GTF2F2: variants seen among roughly 807,000 people sequenced by gnomAD.
The protein encoded by GTF2F2 is ATP-dependent helicase GTF2F2.
Under a neutral mutation model 42.2 loss-of-function variants are expected in GTF2F2, and 23 were observed. The observed-to-expected ratio is 0.55, with a 90% CI of 0.39 to 0.77. The LOEUF (loss-of-function observed/expected upper bound fraction) is 0.77. Among genes scored for constraint, GTF2F2 ranks in the 30% least tolerant of loss-of-function variants. The pLI is 0.00. For missense variants in GTF2F2, 261 were observed against 287.2 expected (o/e 0.91, Z 0.66); for synonymous variants, 105 against 100.8 (o/e 1.04, Z -0.25).
chr13:45,129,748 C>T (rs1869237009), intron 1 of GTF2F2, among the ~76,000 whole-genome samples: 1 of 151,956 alleles, frequency 6.6e-6, no homozygotes, highest in South Asian at 2.1e-4. Flanking sequence ...AATTAGATTA[C>T]GTTCTAATGA....
At chr13:45,168,594 CAAAT>C (rs1566121232) in intron 4 of GTF2F2, among the ~76,000 whole-genome samples, 1 of 152,114 alleles carries the variant, frequency 6.6e-6, no homozygotes, top group African/African-American at 2.4e-5. Flanking sequence ...TGTTTTCTGA[CAAAT>C]AAACTACCTG....
At position 45,120,590 on chromosome 13, in the gene GTF2F2, G is replaced by C. The variant is rs1868569833; in HGVS notation, c.-66G>C. 3.3e-6 allele frequency: 4 copies of C among 1,199,610 alleles called. No individual in the cohort carries two copies. The highest frequency in any genetic ancestry group is 1.3e-5 in the South Asian group (1 of 76,702). 74.3% of individuals were successfully genotyped at this position (1,199,610 alleles called of 1,614,324 possible). A position where few individuals can be genotyped will look rare whatever the true frequency, so the allele number is the denominator to read the frequency against. On this transcript the variant is annotated 5_prime_UTR_variant, in exon 1 of 8. Transcript: ENST00000340473. Reference sequence around the variant, plus strand: ...GGCTTGTCCTTTGTTCCGGACGCCCGCTCCTCAGCCCTGCGGCTCCTGGGG... The same window carrying C: ...GGCTTGTCCTTTGTTCCGGACGCCCCCTCCTCAGCCCTGCGGCTCCTGGGG...
chr13:45,131,897 CAAAAAAAAAAAA>C (rs765260379), intron 1 of GTF2F2, among the ~76,000 whole-genome samples: 2 of 53,184 alleles, frequency 3.8e-5, no homozygotes, highest in Non-Finnish European at 4.2e-5. Context: ...GACCCTGTCT[CAAAAAAAAAAAA>C]AAAAAAAAAA....
chr13:45,178,845 A>G (rs753024896), intron 4 of GTF2F2, among the ~76,000 whole-genome samples: 1 of 152,102 alleles, frequency 6.6e-6, no homozygotes. Flanking sequence ...TGTTCACATG[A>G]TGTTGACTGG....
In GTF2F2 at chr13:45,284,299, C is replaced by T. The variant is rs191747079; in HGVS notation, c.*738C>T. 1 of 152,276 alleles carries T rather than the reference C, an allele frequency of 6.6e-6. No homozygotes were observed. Among genetic ancestry groups the T allele is most frequent in the East Asian group, 1.9e-4 (1 of 5,192 alleles). The allele number at this position is 152,276 out of a possible 1,614,324, so 9.4% of individuals were successfully genotyped here. A position where few individuals can be genotyped will look rare whatever the true frequency, so the allele number is the denominator to read the frequency against. On this transcript the variant is annotated 3_prime_UTR_variant, in exon 8 of 8. Transcript: ENST00000340473. Reference sequence around the variant, plus strand: ...AAACTGGCTTGCCCCCAGAATTTTACTGCTTACCCAGCAGACATGTATTGA... The same window carrying T: ...AAACTGGCTTGCCCCCAGAATTTTATTGCTTACCCAGCAGACATGTATTGA...
At chr13:45,265,980 GAAAC>G (rs1876544792) in intron 6 of GTF2F2, among the ~76,000 whole-genome samples, 1 of 152,106 alleles carries the variant, frequency 6.6e-6, no homozygotes, top group Admixed American at 6.6e-5. Flanking sequence ...TTCCTAAAAA[GAAAC>G]AAACAAATAT....
At chr13:45,248,064 C>T (rs1875719451) in intron 5 of GTF2F2, among the ~76,000 whole-genome samples, 3 of 151,956 alleles carry the variant, frequency 2.0e-5, no homozygotes, top group Admixed American at 1.3e-4. Flanking sequence ...AGGCTGGTCT[C>T]GAACTCCTGA....
At chr13:45,220,592 A>T (rs889219182) in intron 5 of GTF2F2, among the ~76,000 whole-genome samples, 3 of 152,158 alleles carry the variant, frequency 2.0e-5, no homozygotes, top group African/African-American at 7.2e-5. Context: ...CAGCCCAACC[A>T]AGGAAGGGAT....
At chr13:45,220,637 G>T (rs1050544922) in intron 5 of GTF2F2, among the ~76,000 whole-genome samples, 2 of 152,092 alleles carry the variant, frequency 1.3e-5, no homozygotes, top group African/African-American at 4.8e-5. Context: ...ACTTAGTAGA[G>T]GTCACCCTGG....
chr13:45,194,708 T>C, intron 4 of GTF2F2: 1 of 748,654 alleles, frequency 1.3e-6, no homozygotes, highest in Non-Finnish European at 2.2e-6. Context: ...CGCTGTCAGC[T>C]CGGTTTTGCA....
intron 4 of GTF2F2, among the ~76,000 whole-genome samples, chr13:45,204,692 G>A (rs1159331834): frequency 6.6e-6 from 1 of 152,208 alleles, no homozygotes; most frequent in Non-Finnish European, 1.5e-5. Context: ...GCTGCATCAG[G>A]AGTAAATTGG....
At chr13:45,277,097 G>A (rs1035952752) in intron 7 of GTF2F2, among the ~76,000 whole-genome samples, 1 of 152,084 alleles carries the variant, frequency 6.6e-6, no homozygotes, top group Non-Finnish European at 1.5e-5. Flanking sequence ...CAGGAGAAAA[G>A]AAGAAAAATG....
intron 6 of GTF2F2, among the ~76,000 whole-genome samples, chr13:45,259,131 AAAG>A (rs1593522688): frequency 6.6e-6 from 1 of 152,180 alleles, no homozygotes; most frequent in Non-Finnish European, 1.5e-5. Context: ...GGAAGCTTTT[AAAG>A]AAGAAAAATA....
intron 4 of GTF2F2, among the ~76,000 whole-genome samples, chr13:45,172,403 A>T (rs990838817): frequency 6.6e-6 from 1 of 152,066 alleles, no homozygotes; most frequent in African/African-American, 2.4e-5. Flanking sequence ...TTATCTTTTT[A>T]TTATTGAGTT....
chr13:45,251,459 C>A (rs2138246302), intron 5 of GTF2F2, among the ~76,000 whole-genome samples: 1 of 152,196 alleles, frequency 6.6e-6, no homozygotes, highest in East Asian at 1.9e-4. Context: ...TATTTCTTCT[C>A]TTTTTAAGAA....
At chr13:45,208,135 A>C (rs1180161809) in intron 5 of GTF2F2, among the ~76,000 whole-genome samples, 1 of 152,134 alleles carries the variant, frequency 6.6e-6, no homozygotes, top group Non-Finnish European at 1.5e-5. Flanking sequence ...AAAAAAAAAA[A>C]AAAATTGTAC....
rs1401944955 is a variant in GTF2F2, at chr13:45,167,394, C to CTTT, written c.304+15564_304+15565insTTT. Among the ~76,000 whole-genome samples, 513 of 108,768 alleles carry CTTT rather than the reference C, an allele frequency of 4.7e-3. 4 individuals are homozygous for CTTT. The highest frequency in any genetic ancestry group is 0.019 in the African/African-American group (500 of 26,592). 71.4% of individuals were successfully genotyped at this position (108,768 alleles called of 152,430 possible). On this transcript the variant is annotated intron_variant, in intron 4 of 7. Coordinates refer to ENST00000340473, the MANE Select transcript of GTF2F2 (RefSeq NM_004128.3). Reference sequence around the variant, plus strand: ...ACCACACCCAGCTAATTTCACCCAGCTATTTTTTTTTTTTTTTTTTTTGAG... The same window carrying CTTT: ...ACCACACCCAGCTAATTTCACCCAGCTTTTATTTTTTTTTTTTTTTTTTTTGAG...
chr13:45,281,431 T>G (rs1366018492), intron 7 of GTF2F2, among the ~76,000 whole-genome samples: 1 of 152,264 alleles, frequency 6.6e-6, no homozygotes, highest in South Asian at 2.1e-4. Flanking sequence ...CATTAGATTA[T>G]GTTGGTAACA....
intron 4 of GTF2F2, among the ~76,000 whole-genome samples, chr13:45,174,051 T>C (rs1419416184): frequency 2.0e-5 from 3 of 152,182 alleles, no homozygotes; most frequent in African/African-American, 7.2e-5. Context: ...TTCCTTTCTA[T>C]TGCTGAGTAT....
Sources: allele counts gnomAD v4.1 joint callset (sites outside exome capture counted in the v4.1 genomes callset), GRCh38; gene constraint gnomAD v4.1.1; transcripts MANE v1.5; gene names NCBI Gene and HGNC (gene_info 2026-07-23, HGNC 2026-07-21).